The following CCDC33 variants were observed in gnomAD, a reference collection of about 807,000 sequenced individuals.
CCDC33 encodes the protein coiled-coil domain-containing protein 33.
CCDC33 carries 94 observed loss-of-function variants against 91.9 expected under a neutral mutation model. That is an observed-to-expected ratio of 1.02 (90% CI 0.87 to 1.21). The LOEUF (loss-of-function observed/expected upper bound fraction) is 1.21, where lower values mean the gene tolerates loss of function less well. CCDC33 is among the 50% of genes most tolerant of loss of function. The pLI is 0.00. For missense variants in CCDC33, 940 were observed against 935.5 expected (o/e 1.00, Z -0.06); for synonymous variants, 396 against 374.5 (o/e 1.06, Z -0.66).
intron 12 of CCDC33, 111 bp downstream of exon 12, chr15:74,330,465 C>T: frequency 1.5e-6 from 2 of 1,303,362 alleles, no homozygotes; most frequent in Non-Finnish European, 2.1e-6. Context: ...CTGCTGGACT[C>T]TGGCAAATAG....
intron 1 of CCDC33, 133 bp downstream of exon 1, chr15:74,236,873 A>G (rs1012185000): frequency 1.3e-5 from 11 of 850,564 alleles, no homozygotes; most frequent in South Asian, 3.4e-5. Context: ...CACAGCTGTG[A>G]AATGGGGAGT....
chr15:74,270,305 T>C (rs2076279170), intron 5 of CCDC33, among the ~76,000 whole-genome samples: 1 of 151,980 alleles, frequency 6.6e-6, no homozygotes, highest in African/African-American at 2.4e-5. Flanking sequence ...CACAATGGGT[T>C]GGTGGGAGCT....
At chr15:74,234,395 G>A (rs1271066240), upstream of CCDC33, among the ~76,000 whole-genome samples, 2 of 152,194 alleles carry the variant, frequency 1.3e-5, no homozygotes, top group African/African-American at 2.4e-5. Flanking sequence ...TCTCTGGGCT[G>A]GGGATATAGA....
At chr15:74,270,944 G>A (rs2076298080) in intron 5 of CCDC33, among the ~76,000 whole-genome samples, 1 of 152,182 alleles carries the variant, frequency 6.6e-6, no homozygotes, top group South Asian at 2.1e-4. Flanking sequence ...AGCCTTTAGG[G>A]GGTGACAGAG....
chr15:74,213,519 G>A (rs995183108), upstream of CCDC33: 1 of 152,260 alleles, frequency 6.6e-6, no homozygotes, highest in African/African-American at 2.4e-5. Flanking sequence ...AGGCTCCTGT[G>A]TACATGTTAA....
intron 11 of CCDC33, among the ~76,000 whole-genome samples, chr15:74,322,327 T>A (rs1441465517): frequency 6.6e-6 from 1 of 152,096 alleles, no homozygotes; most frequent in Non-Finnish European, 1.5e-5. Context: ...CAGGGCTGGG[T>A]GGGCCTCGCT....
At chr15:74,321,690 G>T (rs377119988) in intron 11 of CCDC33, among the ~76,000 whole-genome samples, 1 of 152,160 alleles carries the variant, frequency 6.6e-6, no homozygotes, top group African/African-American at 2.4e-5. Context: ...GTGAACCACC[G>T]CACCGGGCCA....
intron 1 of CCDC33, among the ~76,000 whole-genome samples, chr15:74,242,064 T>C (rs187380387): frequency 6.6e-6 from 1 of 152,252 alleles, no homozygotes; most frequent in East Asian, 1.9e-4. Flanking sequence ...GAGAAATGGA[T>C]GAAATAACGT....
chr15:74,331,060 G>T lies in CCDC33; in HGVS notation c.1625G>T (p.Gly542Val). The change falls in exon 14 of 19, where the codon GGC becomes GTC. Residue 542 changes from glycine (G) to valine (V), a missense_variant. By Grantham distance (109) the Gly-to-Val change is moderately radical (BLOSUM62 -3). Coordinates refer to ENST00000398814, the MANE Select transcript of CCDC33 (RefSeq NM_025055.5). ...GCCGCTCTGCTGAAGCAGTACCAGGGCAAGCTGCAGAAGATGAAGGCGCTG... is the reference window on the plus strand; with the variant it reads ...GCCGCTCTGCTGAAGCAGTACCAGGTCAAGCTGCAGAAGATGAAGGCGCTG... ...PQAALLKQYQ[G>V]KLQKMKALEE... is the part of the protein sequence containing the mutation. 1 of 1,613,512 alleles carries T rather than the reference G, an allele frequency of 6.2e-7. No individual in the cohort carries two copies. Among genetic ancestry groups the T allele is most frequent in the South Asian group, 1.1e-5 (1 of 90,950 alleles).
Position 74,305,339 on chromosome 15 carries a change from C to T in CCDC33, c.1290+9391C>T, listed in dbSNP as rs186658824. ...GTGCACCCTGAGACCCAAGAAGCAA[C>T]GGCTGTTTGCAGAGGGCACATGCTG... is the stretch of plus-strand genomic sequence containing the variant. On this transcript the variant is annotated intron_variant, in intron 11 of 18. Coordinates refer to ENST00000398814, the MANE Select transcript of CCDC33 (RefSeq NM_025055.5). Among the ~76,000 whole-genome samples, 63 of 152,344 alleles carry T rather than the reference C, an allele frequency of 4.1e-4. 3 individuals carry two copies. The highest frequency in any genetic ancestry group is 3.5e-3 in the Admixed American group (53 of 15,304).
intron 11 of CCDC33, chr15:74,304,276 A>G (rs1369074280): frequency 6.6e-6 from 1 of 152,194 alleles, no homozygotes; most frequent in African/African-American, 2.4e-5. Context: ...ACTTTGCAGG[A>G]GACTTAATAG....
At chr15:74,264,679 A>G (rs2076122485) in intron 3 of CCDC33, among the ~76,000 whole-genome samples, 1 of 152,216 alleles carries the variant, frequency 6.6e-6, no homozygotes, top group African/African-American at 2.4e-5. Context: ...GTCTGCCTAC[A>G]TCAGGGTTTG....
intron 2 of CCDC33, among the ~76,000 whole-genome samples, chr15:74,261,359 A>AG (rs1273347105): frequency 6.6e-6 from 1 of 152,204 alleles, no homozygotes; most frequent in Non-Finnish European, 1.5e-5. Context: ...CTTGGAGGAG[A>AG]GGAACAAGCT....
chr15:74,214,177 G>A (rs1268525595), upstream of CCDC33, among the ~76,000 whole-genome samples: 1 of 152,108 alleles, frequency 6.6e-6, no homozygotes, highest in Non-Finnish European at 1.5e-5. Flanking sequence ...AAGCAGGAAG[G>A]GGGCCCTCTG....
rs187031358 is a variant in CCDC33 at position 74,274,279 on chromosome 15, G to A, written c.759+1388G>A. 2.2e-4 allele frequency among the ~76,000 whole-genome samples: 33 copies of A among 152,330 alleles called. No individual in the cohort carries two copies. The East Asian group carries it at 4.8e-3, about 22-fold the overall frequency. ...AGTATGAGGTTGGGGGCGGGTGCAC[G>A]CACAGAACATGGCTGGGTTCAGGGG... On this transcript the variant is annotated intron_variant, in intron 7 of 18. Coordinates refer to ENST00000398814, the MANE Select transcript of CCDC33 (RefSeq NM_025055.5).
At position 74,331,308 on chromosome 15, in the gene CCDC33, C is replaced by A; in HGVS notation, c.1771+12C>A. ...AAAGCCCTACACGGGTGGGTCCACA[C>A]CCTGATGTGATCAGCTCCCCAGCTT... On this transcript the variant is annotated intron_variant, in intron 15 of 18. Coordinates refer to ENST00000398814, the MANE Select transcript of CCDC33 (RefSeq NM_025055.5). 3 of 1,613,124 alleles carry A rather than the reference C, an allele frequency of 1.9e-6. No individual in the cohort carries two copies. In the South Asian group the frequency reaches 3.3e-5, roughly 18 times the overall value.
intron 2 of CCDC33, among the ~76,000 whole-genome samples, chr15:74,230,612 G>A (rs796071854): frequency 6.6e-6 from 1 of 152,152 alleles, no homozygotes; most frequent in South Asian, 2.1e-4. Context: ...TGGAAGCCGC[G>A]TTGTCCAACA....
chr15:74,234,365 A>G (rs1382093328), upstream of CCDC33, among the ~76,000 whole-genome samples: 7 of 152,100 alleles, frequency 4.6e-5, no homozygotes, highest in South Asian at 1.0e-3. Flanking sequence ...GCCCCTGGAC[A>G]TTTGAGGAGC....
At chr15:74,330,506 C>G in intron 12 of CCDC33, 152 bp downstream of exon 12, 1 of 1,127,946 alleles carries the variant, frequency 8.9e-7, no homozygotes, top group Admixed American at 2.2e-5. Flanking sequence ...CTCACACAGT[C>G]CCTGCCCAGC....
Sources: allele counts gnomAD v4.1 joint callset (sites outside exome capture counted in the v4.1 genomes callset), GRCh38; gene constraint gnomAD v4.1.1; transcripts MANE v1.5; gene names NCBI Gene and HGNC (gene_info 2026-07-23, HGNC 2026-07-21).